RABGAP1: variants seen among roughly 807,000 people sequenced by gnomAD.
RABGAP1 encodes the protein RAB GTPase activating protein 1.
RABGAP1 carries 23 observed loss-of-function variants against 137.6 expected under a neutral mutation model. The ratio of observed to expected loss-of-function variants is 0.17; its 90% CI spans 0.12 to 0.24. RABGAP1 has a LOEUF of 0.24. Ranked by LOEUF, RABGAP1 falls within the 10% of genes least tolerant of loss-of-function variation. The probability of loss-of-function intolerance (pLI) is 1.00; values close to 1 mark genes in which losing one functional copy is unlikely to be tolerated. For synonymous variants in RABGAP1, 451 were observed against 450.7 expected (o/e 1.00, Z -0.01); for missense variants, 906 against 1,275.8 (o/e 0.71, Z 4.42).
chr9:122,933,652 A>G, the RABGAP1 span, among the ~76,000 whole-genome samples: 1 of 151,704 alleles, frequency 6.6e-6, no homozygotes, highest in Non-Finnish European at 1.5e-5. Context: ...TCTGTGACAG[A>G]GTCTTGCTCT....
At chr9:122,975,724 TGA>T (rs1835729240) in intron 2 of RABGAP1, among the ~76,000 whole-genome samples, 1 of 152,100 alleles carries the variant, frequency 6.6e-6, no homozygotes, top group Non-Finnish European at 1.5e-5. Flanking sequence ...TACTGTGGTG[TGA>T]GAGTTAAATG....
intron 11 of RABGAP1, 38 bp downstream of exon 11, chr9:123,010,566 G>A: frequency 1.3e-6 from 2 of 1,556,128 alleles, no homozygotes; most frequent in South Asian, 1.1e-5. Context: ...TTTTGGGGGT[G>A]GAAGACCATG....
intron 4 of RABGAP1, 119 bp downstream of exon 4, chr9:122,986,538 C>A: frequency 9.1e-7 from 1 of 1,093,906 alleles, no homozygotes; most frequent in Non-Finnish European, 1.3e-6. Flanking sequence ...TGTAACGTTT[C>A]ATTTACCTGG....
At chr9:123,015,406 C>G (rs1237625851) in intron 11 of RABGAP1, 137 bp from the exon 12 acceptor site, 4 of 448,390 alleles carry the variant, frequency 8.9e-6, no homozygotes, top group Non-Finnish European at 1.2e-5. Flanking sequence ...TTGTACCTAT[C>G]CATAAATACT....
At chr9:122,995,617 G>A (rs945535738) in intron 6 of RABGAP1, among the ~76,000 whole-genome samples, 1 of 127,080 alleles carries the variant, frequency 7.9e-6, no homozygotes, top group Non-Finnish European at 1.5e-5. Context: ...CACCCATGCT[G>A]GAGTGTAGTG....
chr9:122,992,043 T>TC (rs1259818618), intron 6 of RABGAP1, among the ~76,000 whole-genome samples: 2 of 151,918 alleles, frequency 1.3e-5, no homozygotes, highest in Non-Finnish European at 2.9e-5. Context: ...ATATTTTCTT[T>TC]CTTTTTTTTT....
At chr9:123,097,345 A>T (rs985269951) in intron 21 of RABGAP1, among the ~76,000 whole-genome samples, 5 of 152,240 alleles carry the variant, frequency 3.3e-5, no homozygotes, top group African/African-American at 1.2e-4. Flanking sequence ...CCAGTTTATT[A>T]ATAATAATGA....
chr9:123,066,892 A>G (rs1564173579), intron 14 of RABGAP1, among the ~76,000 whole-genome samples: 2 of 152,234 alleles, frequency 1.3e-5, no homozygotes, highest in South Asian at 2.1e-4. Flanking sequence ...AGTCTAACTG[A>G]TAAGTATAGT....
chr9:122,996,705 G>C, intron 8 of RABGAP1, 100 bp downstream of exon 8: 1 of 1,005,118 alleles, frequency 9.9e-7, no homozygotes, highest in Non-Finnish European at 1.5e-6. Context: ...TGTTTAAGAA[G>C]GTGATCTTGT....
At chr9:122,974,831 T>G (rs1205448702) in intron 2 of RABGAP1, among the ~76,000 whole-genome samples, 1 of 151,998 alleles carries the variant, frequency 6.6e-6, no homozygotes, top group Non-Finnish European at 1.5e-5. Context: ...CTTCATAGAG[T>G]AAGATAAAAA....
rs1215188843 is a variant in RABGAP1 at position 123,096,254 on chromosome 9, C to A, written c.2629-1487C>A. Among the ~76,000 whole-genome samples, 8 of 152,300 alleles carry A rather than the reference C, an allele frequency of 5.3e-5. No homozygotes were observed. In the East Asian group the frequency reaches 1.5e-3, roughly 29 times the overall value. On this transcript the variant is annotated intron_variant, in intron 21 of 25. Coordinates refer to ENST00000373647, the MANE Select transcript of RABGAP1 (RefSeq NM_012197.4). ...TTTCTGCATACATTTTGGATTGTTA[C>A]ACCTTCAAAGGGTATTACCAAGGAC...
intron 13 of RABGAP1, among the ~76,000 whole-genome samples, chr9:123,045,978 C>T (rs974763331): frequency 1.3e-5 from 2 of 152,182 alleles, no homozygotes; most frequent in African/African-American, 4.8e-5. Context: ...ACTTCCAGGT[C>T]CTGCAAATTG....
intron 2 of RABGAP1, among the ~76,000 whole-genome samples, chr9:122,973,621 C>G (rs945542143): frequency 6.6e-6 from 1 of 152,088 alleles, no homozygotes; most frequent in Non-Finnish European, 1.5e-5. Flanking sequence ...AAGAAAATTG[C>G]CAAACTTTAT....
At chr9:122,939,962 G>C (rs1269505760), upstream of RABGAP1, 2 of 152,172 alleles carry the variant, frequency 1.3e-5, no homozygotes, top group Non-Finnish European at 2.9e-5. Context: ...ATAAATAAAG[G>C]GGAAGAGTAA....
At chr9:122,951,195 C>G (rs1271791605) in intron 1 of RABGAP1, among the ~76,000 whole-genome samples, 1 of 152,044 alleles carries the variant, frequency 6.6e-6, no homozygotes, top group African/African-American at 2.4e-5. Flanking sequence ...AAAGGTTAAC[C>G]AAGCTTTGGA....
intron 22 of RABGAP1, 59 bp from the exon 23 acceptor site, chr9:123,098,656 G>C: frequency 1.3e-6 from 2 of 1,491,522 alleles, no homozygotes; most frequent in Non-Finnish European, 1.8e-6. Flanking sequence ...AGCGGTTGGT[G>C]GCAGAACTTC....
chr9:123,061,199 A>G (rs960623777), intron 13 of RABGAP1, among the ~76,000 whole-genome samples: 1 of 152,056 alleles, frequency 6.6e-6, no homozygotes, highest in African/African-American at 2.4e-5. Flanking sequence ...GCTCACTGCA[A>G]CCTCTACCTC....
At chr9:123,084,276 C>A (rs2034801477) in intron 19 of RABGAP1, among the ~76,000 whole-genome samples, 1 of 152,184 alleles carries the variant, frequency 6.6e-6, no homozygotes, top group Admixed American at 6.5e-5. Context: ...AAAAATCAGT[C>A]CCTGTCCTGA....
At chr9:123,049,051 A>G (rs1474759606) in intron 13 of RABGAP1, among the ~76,000 whole-genome samples, 1 of 152,248 alleles carries the variant, frequency 6.6e-6, no homozygotes, top group Non-Finnish European at 1.5e-5. Context: ...GATTGAAACA[A>G]TGTGATAGCA....
Sources: allele counts gnomAD v4.1 joint callset (sites outside exome capture counted in the v4.1 genomes callset), GRCh38; gene constraint gnomAD v4.1.1; transcripts MANE v1.5; gene names NCBI Gene and HGNC (gene_info 2026-07-23, HGNC 2026-07-21).